Variants in ACSS3 observed in about 807,000 individuals in gnomAD.
ACSS3 encodes the protein acyl-CoA synthetase short chain family member 3.
Under a neutral mutation model 84.2 loss-of-function variants are expected in ACSS3, and 64 were observed. That is an observed-to-expected ratio of 0.76 (90% CI 0.62 to 0.94). The LOEUF (loss-of-function observed/expected upper bound fraction) is 0.94. ACSS3 is among the 40% of genes least tolerant of loss of function. The pLI is 0.00. For synonymous variants in ACSS3, 317 were observed against 310.1 expected, an observed-to-expected ratio of 1.02 and a Z score of -0.23; for missense variants, 815 against 867.6, an observed-to-expected ratio of 0.94 and a Z score of 0.76.
intron 9 of ACSS3, among the ~76,000 whole-genome samples, chr12:81,208,266 A>G (rs146029990): frequency 3.3e-4 from 50 of 152,248 alleles, no homozygotes; most frequent in African/African-American, 1.2e-3. Context: ...CGACTTCTAA[A>G]TCCATATTGT....
intron 1 of ACSS3, among the ~76,000 whole-genome samples, chr12:81,090,863 C>CCTGCAGATACCAAAAT (rs929631019): frequency 6.6e-6 from 1 of 151,910 alleles, no homozygotes; most frequent in Non-Finnish European, 1.5e-5. Flanking sequence ...CCACCCACTC[C>CCTGCAGATACCAAAAT]CTGCAGATAC....
chr12:81,101,327 T>A (rs1416614967), intron 1 of ACSS3, among the ~76,000 whole-genome samples: 2 of 152,154 alleles, frequency 1.3e-5, no homozygotes, highest in Non-Finnish European at 2.9e-5. Context: ...TTTAAAAAAA[T>A]TTAAATCACC....
At chr12:81,229,079 A>T (rs540195344) in intron 11 of ACSS3, among the ~76,000 whole-genome samples, 1 of 151,662 alleles carries the variant, frequency 6.6e-6, no homozygotes, top group Non-Finnish European at 1.5e-5. Flanking sequence ...ATTTCCCTCA[A>T]TCCATCATAA....
chr12:81,241,833 T>C (rs11834125), intron 13 of ACSS3, among the ~76,000 whole-genome samples: 3 of 152,130 alleles, frequency 2.0e-5, no homozygotes, highest in Non-Finnish European at 4.4e-5. Flanking sequence ...AGAAGCTCTT[T>C]AGTTTAATTA....
chr12:81,147,186 T>C (rs549687883), intron 5 of ACSS3, among the ~76,000 whole-genome samples: 85 of 152,288 alleles, frequency 5.6e-4, no homozygotes, highest in Non-Finnish European at 9.7e-4. Context: ...CAGAATCATC[T>C]GAAAACCTGT....
At chr12:81,092,851 G>C (rs965804509) in intron 1 of ACSS3, among the ~76,000 whole-genome samples, 1 of 152,094 alleles carries the variant, frequency 6.6e-6, no homozygotes, top group Non-Finnish European at 1.5e-5. Context: ...GATGTACTTC[G>C]TAACATTGTT....
intron 1 of ACSS3, among the ~76,000 whole-genome samples, chr12:81,107,230 T>C (rs1293408086): frequency 2.0e-5 from 3 of 151,114 alleles, no homozygotes; most frequent in South Asian, 4.2e-4. Flanking sequence ...CAATAAAAGA[T>C]GAAGCAGAGA....
chr12:81,233,507 G>C, intron 13 of ACSS3, 36 bp downstream of exon 13: 1 of 1,607,170 alleles, frequency 6.2e-7, no homozygotes, highest in Non-Finnish European at 8.5e-7. Context: ...TCCAAGTAGT[G>C]CTTAGGCACA....
Position 81,257,005 on chromosome 12 carries a change from C to T in ACSS3, c.*2083C>T, listed in dbSNP as rs2034323812. The T allele has an allele frequency of 6.6e-6, 1 of 151,462 alleles. No homozygotes were observed. The allele number at this position is 151,462 out of a possible 1,614,324, so 9.4% of individuals were successfully genotyped here. The stretch of plus-strand genomic sequence containing the variant: ...TAGAATGTGTTTCCTTATTTTTTTT[C>T]AAATAAGAGTCAGTTAATTTGAAAT... On this transcript the variant is annotated 3_prime_UTR_variant, in exon 16 of 16. Coordinates refer to ENST00000548058, the MANE Select transcript of ACSS3 (RefSeq NM_024560.4).
intron 8 of ACSS3, among the ~76,000 whole-genome samples, chr12:81,191,333 C>T (rs1345643037): frequency 6.6e-6 from 1 of 152,060 alleles, no homozygotes; most frequent in African/African-American, 2.4e-5. Flanking sequence ...TTATCCCCCT[C>T]TTCCTTTCTA....
chr12:81,247,423 A>C (rs1296605326), intron 13 of ACSS3, among the ~76,000 whole-genome samples: 1 of 152,156 alleles, frequency 6.6e-6, no homozygotes, highest in Non-Finnish European at 1.5e-5. Context: ...CACTGTATGT[A>C]ACAGCAGAAT....
chr12:81,078,194 C>A lies in ACSS3; in HGVS notation c.74C>A (p.Ser25Tyr). 6.4e-7 allele frequency: 1 copy of A among 1,556,406 alleles called. No individual in the cohort carries two copies. The highest frequency in any genetic ancestry group is 2.1e-5 in the Admixed American group (1 of 48,292). Reference sequence around the variant, plus strand: ...CTCGGAGGGCCCTTGCCTGGGTCCTCTCCGGCCCGGGGAGCCGGTGCGGCC... The same window carrying A: ...CTCGGAGGGCCCTTGCCTGGGTCCTATCCGGCCCGGGGAGCCGGTGCGGCC... ...GGLGGPLPGS[S>Y]PARGAGAALR... is the part of the protein sequence containing the mutation. The change falls in exon 1 of 16, where the codon TCT becomes TAT. Residue 25 changes from serine (S) to tyrosine (Y), a missense_variant. Ser to Tyr is a moderately radical substitution (Grantham distance 144, BLOSUM62 -2). Coordinates refer to ENST00000548058, the MANE Select transcript of ACSS3 (RefSeq NM_024560.4).
At chr12:81,213,957 C>CTCTTTCTTTCTTTCTCTCTTTCTT (rs2032783546) in intron 9 of ACSS3, among the ~76,000 whole-genome samples, 51 of 49,144 alleles carry the variant, frequency 1.0e-3, no homozygotes, top group African/African-American at 3.6e-3. Flanking sequence ...CTCCCTCTCT[C>CTCTTTCTTTCTTTCTCTCTTTCTT]TCTTTCTTTC....
At chr12:81,234,593 C>T (rs529597083) in intron 13 of ACSS3, among the ~76,000 whole-genome samples, 15 of 151,408 alleles carry the variant, frequency 9.9e-5, no homozygotes, top group African/African-American at 3.6e-4. Flanking sequence ...AACCATTCTA[C>T]TCGGTGTGTA....
intron 7 of ACSS3, among the ~76,000 whole-genome samples, chr12:81,172,680 C>T (rs957869577): frequency 6.6e-6 from 1 of 152,084 alleles, no homozygotes; most frequent in African/African-American, 2.4e-5. Flanking sequence ...TCATAATTAT[C>T]TAAAACATTG....
At chr12:81,146,579 A>G (rs534608160) in intron 5 of ACSS3, among the ~76,000 whole-genome samples, 4 of 152,328 alleles carry the variant, frequency 2.6e-5, no homozygotes, top group African/African-American at 9.6e-5. Flanking sequence ...GCATATTTGC[A>G]TATCAGCATT....
At chr12:81,103,860 T>G (rs1291985372) in intron 1 of ACSS3, among the ~76,000 whole-genome samples, 1 of 152,224 alleles carries the variant, frequency 6.6e-6, no homozygotes, top group Non-Finnish European at 1.5e-5. Flanking sequence ...GGTTTGGTTC[T>G]GTAATCAGAC....
Position 81,218,542 on chromosome 12 carries a change from C to T in ACSS3, c.1451-1471C>T, listed in dbSNP as rs375588104. On this transcript the variant is annotated intron_variant, in intron 10 of 15. Transcript: ENST00000548058. The stretch of plus-strand genomic sequence containing the variant: ...CTTCAGATTTTTTTTTTATTCAAGG[C>T]GGAAATAGATATTCTGTGAAGTCAG... Among the ~76,000 whole-genome samples, 10 of 151,954 alleles carry T rather than the reference C, an allele frequency of 6.6e-5. 1 individual carries two copies. The highest frequency in any genetic ancestry group is 1.4e-4 in the African/African-American group (6 of 41,458).
At chr12:81,176,680 A>C (rs191546759) in intron 8 of ACSS3, among the ~76,000 whole-genome samples, 7 of 152,268 alleles carry the variant, frequency 4.6e-5, no homozygotes, top group African/African-American at 1.7e-4. Flanking sequence ...GTAATAAAAA[A>C]AACCTACCAA....
Sources: allele counts gnomAD v4.1 joint callset (sites outside exome capture counted in the v4.1 genomes callset), GRCh38; gene constraint gnomAD v4.1.1; transcripts MANE v1.5; gene names NCBI Gene and HGNC (gene_info 2026-07-23, HGNC 2026-07-21).